The following MADD variants were observed in gnomAD, a reference collection of about 807,000 sequenced individuals.
The protein encoded by MADD is MAP kinase-activating death domain protein.
A neutral mutation model predicts 176.7 loss-of-function variants in MADD; 109 were observed. The observed-to-expected ratio is 0.62, with a 90% CI of 0.53 to 0.72. MADD has a LOEUF of 0.72. Ranked by LOEUF, MADD falls within the 30% of genes least tolerant of loss-of-function variation. The pLI is 0.00. For synonymous variants in MADD, 771 were observed against 771.3 expected (o/e 1.00, Z 0.01); for missense variants, 1,914 against 2,045.5 (o/e 0.94, Z 1.24).
chr11:47,324,791 G>A (rs1288078009), intron 30 of MADD: 3 of 689,010 alleles, frequency 4.4e-6, no homozygotes, highest in South Asian at 1.5e-5. Context: ...GGGAGCCCGT[G>A]GGGGAGGCTG....
chr11:47,287,270 C>T (rs547786528), intron 15 of MADD, among the ~76,000 whole-genome samples: 4 of 152,224 alleles, frequency 2.6e-5, no homozygotes, highest in South Asian at 2.1e-4. Flanking sequence ...TGCAGTGAGC[C>T]GAGGTCGCGC....
At position 47,274,741 on chromosome 11, in the gene MADD, C is replaced by T. The variant is rs747970711; in HGVS notation, c.241C>T (p.Leu81Phe). 14 of 1,614,116 alleles carry T rather than the reference C, an allele frequency of 8.7e-6. No homozygotes were observed. Among genetic ancestry groups the T allele is most frequent in the Non-Finnish European group, 1.1e-5 (13 of 1,180,058 alleles). The change falls in exon 3 of 33, where the codon CTC becomes TTC. Residue 81 changes from leucine (L) to phenylalanine (F), a missense_variant. Leu to Phe is a conservative substitution (Grantham distance 22). This residue lies in a region of MADD where 1,767 missense variants were observed against 1,836.0 expected (regional missense o/e 0.96). Transcript: ENST00000402192. ...GGATGATACCTCTTTTGTCTTCACCCTCACTGACAAGGACACTGGAGTCAC... is the reference window on the plus strand; with the variant it reads ...GGATGATACCTCTTTTGTCTTCACCTTCACTGACAAGGACACTGGAGTCAC...
intron 19 of MADD, among the ~76,000 whole-genome samples, chr11:47,291,549 C>A (rs945870328): frequency 6.6e-6 from 1 of 152,178 alleles, no homozygotes; most frequent in African/African-American, 2.4e-5. Flanking sequence ...TGGCCATTAG[C>A]AGTTGCCATA....
chr11:47,289,279 T>C, intron 15 of MADD, 112 bp from the exon 17 acceptor site: 1 of 936,482 alleles, frequency 1.1e-6, no homozygotes, highest in African/African-American at 1.6e-5. Flanking sequence ...GGTGCTACCC[T>C]CACCCAGCCC....
At chr11:47,290,246 T>C (rs1394907191) in exon 18 of MADD, 5 of 1,614,036 alleles carry the variant, frequency 3.1e-6, no homozygotes, top group East Asian at 4.5e-5. Context: ...CTGGGTGGCA[T>C]GGCCAGCATC....
chr11:47,308,807 T>C, intron 23 of MADD, 108 bp downstream of exon 25: 1 of 1,047,662 alleles, frequency 9.5e-7, no homozygotes, highest in Non-Finnish European at 1.5e-6. Flanking sequence ...ATCTTAATGC[T>C]AACATTAGAT....
At chr11:47,328,986 T>A in intron 32 of MADD, 60 bp from the exon 37 acceptor site, 1 of 1,394,098 alleles carries the variant, frequency 7.2e-7, no homozygotes, top group African/African-American at 1.4e-5. Context: ...TGGCAGATCC[T>A]TCACATATGG....
upstream of MADD, chr11:47,269,887 C>T (rs1157392344): frequency 6.6e-6 from 1 of 152,138 alleles, no homozygotes; most frequent in African/African-American, 2.4e-5. Flanking sequence ...GAGAGTCTCT[C>T]TGAGCAACCC....
rs2064262933 is a variant in MADD at position 47,290,530 on chromosome 11, A to G, written c.3095-80A>G. On this transcript the variant is annotated intron_variant, in intron 18 of 32. Coordinates refer to ENST00000402192, the Ensembl canonical transcript of MADD. ...CTTCTTCCATTCCGCACCCTCCTGT[A>G]TCCTGGCTCCTCCCACCTCATATCT... 2.1e-6 allele frequency: 3 copies of G among 1,433,500 alleles called. No homozygotes were observed. The Admixed American group carries it at 5.7e-5, about 27-fold the overall frequency. 88.8% of individuals were successfully genotyped at this position (1,433,500 alleles called of 1,614,324 possible).
At chr11:47,314,259 TAGGG>T (rs1565522099) in intron 26 of MADD, among the ~76,000 whole-genome samples, 1 of 147,038 alleles carries the variant, frequency 6.8e-6, no homozygotes, top group Non-Finnish European at 1.5e-5. Context: ...GTATGGAGAA[TAGGG>T]TCTCACTTTG....
rs140851509 is a variant in MADD, at chr11:47,296,402, C to T, written c.3642+347C>T. ...GACAATTACAGCTCTCGTTTAGTAC[C>T]AGTCTGCCTATTTCTATGGACTATC... On this transcript the variant is annotated intron_variant, in intron 22 of 32. Transcript: ENST00000402192. Among the ~76,000 whole-genome samples the T allele has an allele frequency of 3.9e-5, 6 of 152,330 alleles. No homozygotes were observed. In the East Asian group the frequency reaches 1.2e-3, roughly 29 times the overall value.
In MADD at chr11:47,281,765, C is replaced by T. The variant is rs774254352; in HGVS notation, c.1469+12C>T. ...GATGTTGCAACCAGGTAAGACCAAG[C>T]CGACTGTATAATCACAAGTTCTTAA... is the stretch of plus-strand genomic sequence containing the variant. On this transcript the variant is annotated intron_variant, in intron 8 of 32. Coordinates refer to ENST00000402192, the Ensembl canonical transcript of MADD. The T allele has an allele frequency of 5.1e-6, 8 of 1,577,388 alleles. No individual in the cohort carries two copies. The Admixed American group carries it at 1.2e-4, about 24-fold the overall frequency.
intron 22 of MADD, among the ~76,000 whole-genome samples, chr11:47,306,646 G>C (rs55764401): frequency 0.11 from 16,793 of 151,904 alleles, 1,075 homozygotes; most frequent in South Asian, 0.23. Flanking sequence ...AAGGGGGATG[G>C]GGGGGAGGCC....
chr11:47,288,587 C>T (rs1350863992), intron 15 of MADD, among the ~76,000 whole-genome samples: 1 of 152,224 alleles, frequency 6.6e-6, no homozygotes, highest in African/African-American at 2.4e-5. Context: ...TCCTCATACC[C>T]TGACCCCACT....
intron 30 of MADD, chr11:47,324,997 T>C: frequency 3.6e-6 from 2 of 556,010 alleles, no homozygotes; most frequent in East Asian, 3.1e-5. Flanking sequence ...TGCGTGCAGC[T>C]TGCGTGTGCG....
At chr11:47,320,497 C>T (rs1051829644) in intron 27 of MADD, among the ~76,000 whole-genome samples, 1 of 149,856 alleles carries the variant, frequency 6.7e-6, no homozygotes, top group Non-Finnish European at 1.5e-5. Flanking sequence ...TTATATATTA[C>T]TCATTAGGCC....
At chr11:47,282,451 C>T (rs1194787525) in exon 9 of MADD, 3 of 1,614,196 alleles carry the variant, frequency 1.9e-6, no homozygotes, top group Non-Finnish European at 2.5e-6. Context: ...GCGTACCCTG[C>T]GCCTCTTTCC....
intron 19 of MADD, among the ~76,000 whole-genome samples, chr11:47,293,583 G>A (rs1001344141): frequency 6.6e-6 from 1 of 152,076 alleles, no homozygotes; most frequent in Admixed American, 6.6e-5. Context: ...GATTACAGTC[G>A]TGAGCCACCA....
rs775434404 is a variant in MADD at position 47,275,890 on chromosome 11, G to T, written c.660-9G>T. The T allele has an allele frequency of 8.1e-6, 13 of 1,599,030 alleles. No individual in the cohort carries two copies. The highest frequency in any genetic ancestry group is 1.1e-5 in the Non-Finnish European group (13 of 1,168,642). On this transcript the variant is annotated splice_polypyrimidine_tract_variant and intron_variant, in intron 3 of 32. Coordinates refer to ENST00000402192, the Ensembl canonical transcript of MADD. Reference sequence around the variant, plus strand: ...CTAATGTGTCTGATTCCTGCTGTCTGCTTCTCAGGGACACCATGTGGCGGA... The same window carrying T: ...CTAATGTGTCTGATTCCTGCTGTCTTCTTCTCAGGGACACCATGTGGCGGA...
Sources: allele counts gnomAD v4.1 joint callset (sites outside exome capture counted in the v4.1 genomes callset), GRCh38; gene constraint gnomAD v4.1.1; regional missense constraint gnomAD v4.1.1; transcripts MANE v1.5; gene names NCBI Gene and HGNC (gene_info 2026-07-23, HGNC 2026-07-21).